GOLGA5: variants seen among roughly 807,000 people sequenced by gnomAD.
The protein encoded by GOLGA5 is golgin subfamily A member 5.
A neutral mutation model predicts 93.5 loss-of-function variants in GOLGA5; 50 were observed. The observed-to-expected ratio is 0.53, with a 90% CI of 0.43 to 0.68. The LOEUF (loss-of-function observed/expected upper bound fraction) is 0.68. Among genes scored for constraint, GOLGA5 ranks in the 30% least tolerant of loss-of-function variants. The pLI is 0.00. For synonymous variants in GOLGA5, 312 were observed against 304.5 expected (o/e 1.02, Z -0.26); for missense variants, 760 against 856.4 (o/e 0.89, Z 1.40).
rs1369857803 is a variant in GOLGA5 at position 92,837,323 on chromosome 14, G to A, written c.2052-63G>A. On this transcript the variant is annotated intron_variant, in intron 11 of 12. Transcript: ENST00000163416. ...ATCAGCATCATTAGATATTACCACA[G>A]GAAGATTTGTTTTGACTGTGACTCT... 43 of 792,110 alleles carry A rather than the reference G, an allele frequency of 5.4e-5. No individual in the cohort carries two copies. The Admixed American group carries it at 9.9e-4, about 18-fold the overall frequency. The allele number at this position is 792,110 out of a possible 1,614,324, so 49.1% of individuals were successfully genotyped here.
chr14:92,826,719 AAG>A (rs1885430285), intron 9 of GOLGA5, among the ~76,000 whole-genome samples: 1 of 152,004 alleles, frequency 6.6e-6, no homozygotes, highest in African/African-American at 2.4e-5. Flanking sequence ...AAAGAAAAAA[AAG>A]AAAATTATTG....
At chr14:92,824,252 T>A (rs997963106) in intron 8 of GOLGA5, among the ~76,000 whole-genome samples, 1 of 152,222 alleles carries the variant, frequency 6.6e-6, no homozygotes, top group African/African-American at 2.4e-5. Flanking sequence ...CCATTCTTCC[T>A]CATTACAAGA....
In GOLGA5 at chr14:92,816,519, C is replaced by CTTGCTTCTCTTCGCTTCGCTTCGCT. The variant is rs1885208609; in HGVS notation, c.1491+99_1491+100insTGCTTCTCTTCGCTTCGCTTCGCTT. 3.3e-6 allele frequency: 3 copies of CTTGCTTCTCTTCGCTTCGCTTCGCT among 903,808 alleles called. No homozygotes were observed. The Admixed American group carries it at 7.5e-5, about 23-fold the overall frequency. 56.0% of individuals were successfully genotyped at this position (903,808 alleles called of 1,614,324 possible). ...ACAGCATTACTAAAGCGATAGGTTT[C>CTTGCTTCTCTTCGCTTCGCTTCGCT]TCGCTTCTCTTCGCTTCGCTTCGCT... is the stretch of plus-strand genomic sequence containing the variant. On this transcript the variant is annotated intron_variant, in intron 7 of 12. Coordinates refer to ENST00000163416, the MANE Select transcript of GOLGA5 (RefSeq NM_005113.4).
Position 92,797,536 on chromosome 14 carries a change from C to A in GOLGA5, c.99C>A (p.Ser33Arg). 6.2e-7 allele frequency: 1 copy of A among 1,612,696 alleles called. No homozygotes were observed. The highest frequency in any genetic ancestry group is 1.1e-5 in the South Asian group (1 of 91,050). ...ATALSRKDNA[S>R]NIYSKNTDYT... ...CTCTCAGTAGGAAAGACAATGCCAG[C>A]AACATATATAGCAAAAATACTGACT... The change falls in exon 2 of 13, where the codon AGC becomes AGA. Residue 33 changes from serine to arginine, a missense_variant. Physicochemically the swap from Ser to Arg is moderately radical, Grantham distance 110. Coordinates refer to ENST00000163416, the MANE Select transcript of GOLGA5 (RefSeq NM_005113.4).
chr14:92,820,889 G>C (rs1394879915), intron 8 of GOLGA5, among the ~76,000 whole-genome samples: 1 of 152,196 alleles, frequency 6.6e-6, no homozygotes, highest in African/African-American at 2.4e-5. Context: ...CAAAGCAATT[G>C]TTCAGGGTAC....
intron 2 of GOLGA5, among the ~76,000 whole-genome samples, chr14:92,804,516 C>T (rs1379238609): frequency 6.6e-6 from 1 of 152,126 alleles, no homozygotes; most frequent in African/African-American, 2.4e-5. Flanking sequence ...TCTTCACCTG[C>T]ACCCTCCGCA....
intron 10 of GOLGA5, among the ~76,000 whole-genome samples, chr14:92,833,830 G>A (rs571169771): frequency 2.0e-5 from 3 of 152,196 alleles, no homozygotes; most frequent in South Asian, 2.1e-4. Context: ...TTGGAACTTC[G>A]TAAAGTCTAC....
At chr14:92,816,908 CTCCTTTCTTTCCTTCCTTTCTT>C (rs1566956864) in intron 7 of GOLGA5, among the ~76,000 whole-genome samples, 1 of 150,168 alleles carries the variant, frequency 6.7e-6, no homozygotes, top group Non-Finnish European at 1.5e-5. Context: ...TTTCCTTTCT[CTCCTTTCTTTCCTTCCTTTCTT>C]TCCTTTCTTT....
chr14:92,795,089 G>C (rs76437397), intron 1 of GOLGA5, among the ~76,000 whole-genome samples: 1 of 18,856 alleles, frequency 5.3e-5, no homozygotes, highest in Non-Finnish European at 9.2e-5. Context: ...AAGAATTAAT[G>C]AGCGTGTTTT....
At chr14:92,817,995 T>C (rs1348317738) in intron 7 of GOLGA5, among the ~76,000 whole-genome samples, 1 of 152,206 alleles carries the variant, frequency 6.6e-6, no homozygotes, top group African/African-American at 2.4e-5. Context: ...GGTTTATTGT[T>C]ATTCATTAAA....
At chr14:92,810,654 A>G (rs1885085793) in intron 5 of GOLGA5, 1 of 203,758 alleles carries the variant, frequency 4.9e-6, no homozygotes, top group South Asian at 1.8e-4. Flanking sequence ...ATTTGATTAA[A>G]TGCTAATGGT....
At chr14:92,805,145 C>T (rs1471135670) in intron 2 of GOLGA5, among the ~76,000 whole-genome samples, 3 of 152,130 alleles carry the variant, frequency 2.0e-5, no homozygotes, top group Admixed American at 2.0e-4. Flanking sequence ...CAGAAAGTTC[C>T]TCATGTTCCT....
At chr14:92,806,183 C>T (rs1884981659) in intron 2 of GOLGA5, among the ~76,000 whole-genome samples, 1 of 152,126 alleles carries the variant, frequency 6.6e-6, no homozygotes, top group African/African-American at 2.4e-5. Context: ...GATGTTCTCC[C>T]CAGAATGGTG....
chr14:92,822,896 T>G (rs1289125534), intron 8 of GOLGA5, among the ~76,000 whole-genome samples: 1 of 152,092 alleles, frequency 6.6e-6, no homozygotes, highest in African/African-American at 2.4e-5. Flanking sequence ...TGACCTCAAG[T>G]GATCCACCTG....
chr14:92,827,026 G>A (rs1885437130), intron 9 of GOLGA5, among the ~76,000 whole-genome samples: 1 of 151,968 alleles, frequency 6.6e-6, no homozygotes, highest in African/African-American at 2.4e-5. Flanking sequence ...CCACAGATTG[G>A]GAAATAATAT....
Position 92,797,696 on chromosome 14 carries a change from G to A in GOLGA5, c.259G>A (p.Gly87Arg). 1 of 1,614,140 alleles carries A rather than the reference G, an allele frequency of 6.2e-7. No individual in the cohort carries two copies. The highest frequency in any genetic ancestry group is 8.5e-7 in the Non-Finnish European group (1 of 1,180,008). The change falls in exon 2 of 13, where the codon GGA (glycine) becomes AGA (arginine). Residue 87 changes from glycine (G) to arginine (R), a missense_variant. Physicochemically the swap from Gly to Arg is moderately radical, Grantham distance 125. Coordinates refer to ENST00000163416, the MANE Select transcript of GOLGA5 (RefSeq NM_005113.4). ...AGCTGGCACTGCAAATGTGAAAGTA[G>A]GATCTCGGACACCAGTAGAGGCCTC... ...ILAGTANVKV[G>R]SRTPVEASHP... is the part of the protein sequence containing the mutation.
chr14:92,839,377 C>T lies in GOLGA5; in HGVS notation c.2127C>T (p.His709=). The T allele has an allele frequency of 1.2e-6, 2 of 1,611,998 alleles. No individual in the cohort carries two copies. The highest frequency in any genetic ancestry group is 2.2e-5 in the East Asian group (1 of 44,872). The change falls in exon 13 of 13, where the codon CAC becomes CAT. Residue 709 remains histidine, a synonymous_variant. Coordinates refer to ENST00000163416, the MANE Select transcript of GOLGA5 (RefSeq NM_005113.4). Reference sequence around the variant, plus strand: ...TTTTCTTTCTCTAGGCTTTGCTTCACCTCTGGGTCATGATTGTTCTGTTGA... The same window carrying T: ...TTTTCTTTCTCTAGGCTTTGCTTCATCTCTGGGTCATGATTGTTCTGTTGA... The part of the protein sequence containing the change: ...VFVIIYMALL[H]LWVMIVLLTY...
intron 8 of GOLGA5, among the ~76,000 whole-genome samples, chr14:92,822,009 A>G (rs1354102247): frequency 6.6e-6 from 1 of 152,224 alleles, no homozygotes; most frequent in East Asian, 1.9e-4. Flanking sequence ...ATGGAGCTTA[A>G]TGTAGCTGTG....
chr14:92,834,664 C>T (rs1224604816), intron 10 of GOLGA5, among the ~76,000 whole-genome samples: 1 of 152,192 alleles, frequency 6.6e-6, no homozygotes, highest in Non-Finnish European at 1.5e-5. Context: ...ATCCAGAGAG[C>T]TTAGAATAGG....
Sources: gnomAD v4.1 joint callset for allele counts (sites outside exome capture counted in the v4.1 genomes callset) on GRCh38, gnomAD v4.1.1 for gene constraint, MANE v1.5 for transcripts, NCBI Gene and HGNC (gene_info 2026-07-23, HGNC 2026-07-21) for gene names.